SHISA9: variants seen among roughly 807,000 people sequenced by gnomAD.
SHISA9 encodes shisa family member 9.
Under a neutral mutation model 38.0 loss-of-function variants are expected in SHISA9, and 13 were observed. That is an observed-to-expected ratio of 0.34 (90% CI 0.22 to 0.54). The LOEUF (loss-of-function observed/expected upper bound fraction) is 0.54. Among genes scored for constraint, SHISA9 ranks in the 20% least tolerant of loss-of-function variants. The pLI is 0.91. For synonymous variants in SHISA9, 275 were observed against 242.0 expected (o/e 1.14, Z -1.27); for missense variants, 538 against 575.8 (o/e 0.93, Z 0.67).
At chr16:13,532,324 G>C in the SHISA9 span, among the ~76,000 whole-genome samples, 3 of 152,144 alleles carry the variant, frequency 2.0e-5, no homozygotes, top group African/African-American at 7.2e-5. Context: ...TGGAAGGAGG[G>C]GGATACAGGG....
chr16:13,269,687 A>G, the SHISA9 span, among the ~76,000 whole-genome samples: 7 of 152,236 alleles, frequency 4.6e-5, no homozygotes, highest in Admixed American at 2.6e-4. Context: ...CAGAGGAGAC[A>G]GTATATGCTA....
At chr16:13,304,183 T>C in the SHISA9 span, among the ~76,000 whole-genome samples, 1 of 152,234 alleles carries the variant, frequency 6.6e-6, no homozygotes, top group South Asian at 2.1e-4. Context: ...TATTCTCCTC[T>C]ATGGTTTTTC....
At chr16:13,219,602 C>T (rs900875137) in intron 4 of SHISA9, among the ~76,000 whole-genome samples, 5 of 152,108 alleles carry the variant, frequency 3.3e-5, no homozygotes, top group South Asian at 2.1e-4. Flanking sequence ...CATGTGCCCA[C>T]CTCTGAACAA....
intron 2 of SHISA9, among the ~76,000 whole-genome samples, chr16:12,989,345 T>G (rs748996798): frequency 9.9e-5 from 15 of 152,008 alleles, no homozygotes; most frequent in Non-Finnish European, 1.9e-4. Context: ...GCCTGGCTAA[T>G]TTTTGTATTT....
Position 13,118,075 on chromosome 16 carries a change from A to G in SHISA9, c.692-85319A>G, listed in dbSNP as rs149142691. 3.7e-3 allele frequency among the ~76,000 whole-genome samples: 557 copies of G among 151,880 alleles called. 2 individuals are homozygous for G. The highest frequency in any genetic ancestry group is 0.013 in the African/African-American group (529 of 41,440). On this transcript the variant is annotated intron_variant, in intron 2 of 4. Coordinates refer to ENST00000558583, the MANE Select transcript of SHISA9 (RefSeq NM_001145204.3). ...TGCGTACCTTTAATCCTAGTTACTC[A>G]GGAGGCTGAGGCAGGAGAATGGCTT...
At chr16:13,254,994 A>AT in the SHISA9 span, among the ~76,000 whole-genome samples, 1 of 151,840 alleles carries the variant, frequency 6.6e-6, no homozygotes, top group African/African-American at 2.4e-5. Flanking sequence ...AGCTTCTTTA[A>AT]TTTTTTTTCC....
chr16:13,460,643 T>C, the SHISA9 span, among the ~76,000 whole-genome samples: 3 of 152,318 alleles, frequency 2.0e-5, no homozygotes, highest in Non-Finnish European at 4.4e-5. Flanking sequence ...TAAAAGGATA[T>C]GATAGAGCTT....
chr16:13,202,327 A>C (rs898827241), intron 2 of SHISA9, among the ~76,000 whole-genome samples: 2 of 130,392 alleles, frequency 1.5e-5, no homozygotes, highest in African/African-American at 6.1e-5. Flanking sequence ...ACCCTCCCTC[A>C]TATCTTCCAC....
chr16:12,944,764 G>A (rs773133606), intron 2 of SHISA9, among the ~76,000 whole-genome samples: 3 of 152,124 alleles, frequency 2.0e-5, no homozygotes, highest in Non-Finnish European at 4.4e-5. Context: ...AAAAACGTAG[G>A]AATTTTTTTC....
At chr16:13,019,679 G>C (rs938231195) in intron 2 of SHISA9, among the ~76,000 whole-genome samples, 6 of 151,398 alleles carry the variant, frequency 4.0e-5, no homozygotes, top group Non-Finnish European at 7.4e-5. Flanking sequence ...TGTGTCACTG[G>C]GGTTTGTCGT....
At chr16:13,313,619 T>C in the SHISA9 span, among the ~76,000 whole-genome samples, 16 of 152,228 alleles carry the variant, frequency 1.1e-4, no homozygotes, top group Admixed American at 7.9e-4. Context: ...CATTTCACTA[T>C]TGAAAAGGAA....
chr16:12,920,072 A>G (rs1260508376), intron 2 of SHISA9, among the ~76,000 whole-genome samples: 2 of 151,932 alleles, frequency 1.3e-5, no homozygotes. Context: ...TTAAGGATGG[A>G]AGACGTGAGT....
chr16:13,508,696 G>A, the SHISA9 span, among the ~76,000 whole-genome samples: 15 of 152,202 alleles, frequency 9.9e-5, no homozygotes, highest in Admixed American at 2.0e-4. Context: ...TATATACAAC[G>A]CATTAAACTC....
the SHISA9 span, among the ~76,000 whole-genome samples, chr16:13,272,889 A>G: frequency 2.0e-5 from 3 of 152,248 alleles, no homozygotes; most frequent in East Asian, 3.9e-4. Flanking sequence ...TATTCTCTGC[A>G]ACGCTTAGAC....
the SHISA9 span, among the ~76,000 whole-genome samples, chr16:13,442,106 A>G: frequency 6.6e-6 from 1 of 152,212 alleles, no homozygotes; most frequent in Non-Finnish European, 1.5e-5. Context: ...GTGGGAGCAC[A>G]TTGCCAGATC....
intron 2 of SHISA9, among the ~76,000 whole-genome samples, chr16:12,940,612 T>G (rs540664029): frequency 7.8e-4 from 119 of 152,236 alleles, no homozygotes; most frequent in Non-Finnish European, 1.3e-3. Context: ...TTCTGTGTGC[T>G]CTCACCATTG....
chr16:13,035,042 A>G (rs561540633), intron 2 of SHISA9, among the ~76,000 whole-genome samples: 1 of 152,364 alleles, frequency 6.6e-6, no homozygotes, highest in Admixed American at 6.5e-5. Flanking sequence ...TGGTTTTAAC[A>G]TCAACATTAT....
At chr16:12,994,411 G>A (rs942074206) in intron 2 of SHISA9, among the ~76,000 whole-genome samples, 5 of 152,316 alleles carry the variant, frequency 3.3e-5, no homozygotes, top group East Asian at 1.9e-4. Flanking sequence ...GCCCCATGAC[G>A]TGATTTGGTG....
chr16:13,009,214 A>C (rs560565480), intron 2 of SHISA9, among the ~76,000 whole-genome samples: 1 of 152,148 alleles, frequency 6.6e-6, no homozygotes, highest in African/African-American at 2.4e-5. Flanking sequence ...AGATCTTCTT[A>C]GCTGTAAGTG....
Sources: allele counts gnomAD v4.1 joint callset (sites outside exome capture counted in the v4.1 genomes callset), GRCh38; gene constraint gnomAD v4.1.1; transcripts MANE v1.5; gene names NCBI Gene and HGNC (gene_info 2026-07-23, HGNC 2026-07-21).